Variants in ZP3 observed in about 807,000 individuals in gnomAD.
ZP3 encodes zona pellucida glycoprotein 3, also known as zona pellucida sperm-binding protein 3.
Under a neutral mutation model 35.6 loss-of-function variants are expected in ZP3, and 21 were observed. That is an observed-to-expected ratio of 0.59 (90% CI 0.42 to 0.85). The LOEUF (loss-of-function observed/expected upper bound fraction) is 0.85. Ranked by LOEUF, ZP3 falls within the 40% of genes least tolerant of loss-of-function variation. The probability of loss-of-function intolerance (pLI) is 0.00; values close to 1 mark genes in which losing one functional copy is unlikely to be tolerated. For missense variants in ZP3, 437 were observed against 536.5 expected (o/e 0.81, Z 1.83); for synonymous variants, 207 against 214.5 (o/e 0.96, Z 0.31).
chr7:76,426,907 C>CACACACACA (rs57796274), intron 1 of ZP3, among the ~76,000 whole-genome samples: 3 of 126,928 alleles, frequency 2.4e-5, no homozygotes, highest in Non-Finnish European at 4.9e-5. Context: ...CACACACACA[C>CACACACACA]AATAGGGTGT....
intron 1 of ZP3, among the ~76,000 whole-genome samples, chr7:76,408,684 G>A (rs1805125955): frequency 6.6e-6 from 1 of 152,138 alleles, no homozygotes; most frequent in Non-Finnish European, 1.5e-5. Context: ...CCTCTGCCAA[G>A]CCTGCCTCCT....
At chr7:76,435,498 G>T (rs1754210) in intron 5 of ZP3, among the ~76,000 whole-genome samples, 263 of 149,044 alleles carry the variant, frequency 1.8e-3, no homozygotes, top group Middle Eastern at 0.014. Flanking sequence ...GAGGTGAGGC[G>T]GTGAGCTTAG....
chr7:76,440,056 A>G (rs1232968808), intron 5 of ZP3, 194 bp from the exon 6 acceptor site: 2 of 768,530 alleles, frequency 2.6e-6, no homozygotes, highest in Non-Finnish European at 4.2e-6. Context: ...CATGTTGGCC[A>G]GGTTGGTCTC....
At chr7:76,403,162 C>T (rs1019622638) in intron 1 of ZP3, among the ~76,000 whole-genome samples, 1 of 152,154 alleles carries the variant, frequency 6.6e-6, no homozygotes, top group African/African-American at 2.4e-5. Context: ...GAGCACGATG[C>T]TTGAGAGTGG....
chr7:76,436,118 C>A (rs1329632361), intron 5 of ZP3, among the ~76,000 whole-genome samples: 1 of 130,428 alleles, frequency 7.7e-6, no homozygotes, highest in East Asian at 2.5e-4. Context: ...GTGGCCCAAT[C>A]TTAGGTCACT....
intron 5 of ZP3, among the ~76,000 whole-genome samples, chr7:76,435,849 T>A (rs1805982618): frequency 1.3e-5 from 2 of 151,474 alleles, no homozygotes; most frequent in African/African-American, 4.9e-5. Flanking sequence ...CTCAGCCTCC[T>A]GAGTAGCTGG....
chr7:76,417,243 A>G (rs1366204018), intron 1 of ZP3, among the ~76,000 whole-genome samples: 4 of 151,680 alleles, frequency 2.6e-5, no homozygotes, highest in Admixed American at 6.6e-5. Flanking sequence ...ATTTTCAGTA[A>G]AGACAGGGTT....
chr7:76,427,440 C>T (rs552545142), intron 1 of ZP3, among the ~76,000 whole-genome samples: 2 of 147,240 alleles, frequency 1.4e-5, no homozygotes, highest in South Asian at 2.2e-4. Context: ...TGCTTGAACC[C>T]GGGAGGCGTA....
intron 1 of ZP3, among the ~76,000 whole-genome samples, chr7:76,419,249 T>TTA (rs1805449127): frequency 6.6e-6 from 1 of 152,214 alleles, no homozygotes; most frequent in African/African-American, 2.4e-5. Context: ...AGGGTCTTAT[T>TTA]TAGCAAATAT....
intron 1 of ZP3, among the ~76,000 whole-genome samples, chr7:76,414,649 T>C (rs918084327): frequency 1.3e-4 from 19 of 146,424 alleles, no homozygotes; most frequent in Admixed American, 2.1e-4. Flanking sequence ...GAACAGACTC[T>C]GCTTCTACCC....
In ZP3 at chr7:76,400,814, C is replaced by T. The variant is rs1804798612; in HGVS notation, c.-67+3017C>T. 2.0e-5 allele frequency among the ~76,000 whole-genome samples: 3 copies of T among 152,156 alleles called. No individual in the cohort carries two copies. The South Asian group carries it at 6.2e-4, about 32-fold the overall frequency. On this transcript the variant is annotated intron_variant, in intron 1 of 8. Coordinates refer to the ZP3 transcript ENST00000336517. ...TGCACTACGGGACCCAGCCAGGTTA[C>T]CCGCTTTGCCATGAAGCCATGGGAA...
Position 76,425,046 on chromosome 7 carries a change from T to G in ZP3, c.82T>G (p.Leu28Val). ...GTGCTACCCCCAACCCCTCTGGCTC[T>G]TGCAGGGTGGAGCCAGCCATCCTGA... ...ELCYPQPLWL[L>V]QGGASHPETS... Residue 28 changes from leucine (L) to valine (V), a missense_variant, in exon 1 of 8, where the codon TTG becomes GTG. By Grantham distance (32) the Leu-to-Val change is conservative. Transcript: ENST00000394857. 1 of 1,608,064 alleles carries G rather than the reference T, an allele frequency of 6.2e-7. No individual in the cohort carries two copies. Among genetic ancestry groups the G allele is most frequent in the South Asian group, 1.1e-5 (1 of 90,216 alleles).
chr7:76,419,271 C>T (rs1359414521), intron 1 of ZP3, among the ~76,000 whole-genome samples: 1 of 152,212 alleles, frequency 6.6e-6, no homozygotes, highest in African/African-American at 2.4e-5. Context: ...TTCCAGCTCA[C>T]TCTGCCCTGA....
At chr7:76,411,211 G>A (rs1208098977) in intron 1 of ZP3, among the ~76,000 whole-genome samples, 2 of 151,830 alleles carry the variant, frequency 1.3e-5, no homozygotes, top group African/African-American at 4.8e-5. Flanking sequence ...TGTCTTCCAT[G>A]TTCAGCTGCT....
chr7:76,398,589 G>T, intron 1 of ZP3: 1 of 1,048,328 alleles, frequency 9.5e-7, no homozygotes. Context: ...ACAGGTGTGA[G>T]CCACCATGCC....
At chr7:76,416,394 A>G (rs760493913) in intron 1 of ZP3, among the ~76,000 whole-genome samples, 2 of 152,204 alleles carry the variant, frequency 1.3e-5, no homozygotes, top group African/African-American at 4.8e-5. Context: ...GCCCCACTGC[A>G]TACCAACCTG....
chr7:76,397,649 T>G (rs904890104), exon 1 of ZP3: 3 of 1,613,766 alleles, frequency 1.9e-6, no homozygotes, highest in Admixed American at 1.7e-5. Flanking sequence ...TCCGGTGCCA[T>G]AGCCGAAGAA....
chr7:76,426,652 C>G (rs566171769), intron 1 of ZP3, among the ~76,000 whole-genome samples: 89 of 152,132 alleles, frequency 5.9e-4, no homozygotes, highest in African/African-American at 1.8e-3. Flanking sequence ...CTGGCTCCCC[C>G]CCCTTCTGTG....
chr7:76,429,445 A>G, intron 1 of ZP3, 70 bp from the exon 2 acceptor site: 3 of 1,459,964 alleles, frequency 2.1e-6, no homozygotes, highest in Non-Finnish European at 2.9e-6. Context: ...CTCCCTGAGC[A>G]CTCAGGTATG....
Sources: gnomAD v4.1 joint callset for allele counts (sites outside exome capture counted in the v4.1 genomes callset) on GRCh38, gnomAD v4.1.1 for gene constraint, MANE v1.5 for transcripts, NCBI Gene and HGNC (gene_info 2026-07-23, HGNC 2026-07-21) for gene names.